PPP1R13B: variants seen among roughly 807,000 people sequenced by gnomAD.
PPP1R13B encodes the protein apoptosis-stimulating of p53 protein 1.
Under a neutral mutation model 119.8 loss-of-function variants are expected in PPP1R13B, and 44 were observed. The ratio of observed to expected loss-of-function variants is 0.37; its 90% CI spans 0.29 to 0.47. The LOEUF (loss-of-function observed/expected upper bound fraction) is 0.47, where lower values mean the gene tolerates loss of function less well. PPP1R13B is among the 20% of genes least tolerant of loss of function. The pLI is 0.99. For missense variants in PPP1R13B, 1,227 were observed against 1,413.5 expected (o/e 0.87, Z 2.12); for synonymous variants, 542 against 561.5 (o/e 0.97, Z 0.49).
chr14:103,847,257 C>G (rs1190828605), intron 1 of PPP1R13B, 42 bp downstream of exon 1: 1 of 1,177,762 alleles, frequency 8.5e-7, no homozygotes, highest in African/African-American at 1.6e-5. Flanking sequence ...GCCAGCGGCC[C>G]GCGGAGGAAG....
intron 1 of PPP1R13B, chr14:103,818,398 A>G: frequency 1.3e-6 from 1 of 769,798 alleles, no homozygotes; most frequent in Non-Finnish European, 1.6e-6. Flanking sequence ...TCATATTTCT[A>G]TGACCATAAT....
intron 4 of PPP1R13B, among the ~76,000 whole-genome samples, chr14:103,777,342 G>A (rs1462981013): frequency 1.3e-5 from 2 of 152,112 alleles, no homozygotes; most frequent in Non-Finnish European, 2.9e-5. Context: ...CCTCACCTAT[G>A]ATAAGCATTC....
intron 1 of PPP1R13B, among the ~76,000 whole-genome samples, chr14:103,825,088 G>A: frequency 6.6e-6 from 1 of 152,016 alleles, no homozygotes; most frequent in Non-Finnish European, 1.5e-5. Context: ...TATTTCCTAT[G>A]GTGATCTGTG....
At chr14:103,847,155 G>A in intron 1 of PPP1R13B, 144 bp downstream of exon 1, 5 of 984,368 alleles carry the variant, frequency 5.1e-6, no homozygotes, top group South Asian at 9.2e-5. Context: ...GGGCGCCGCG[G>A]CCGGGCGCGC....
At chr14:103,841,633 T>C (rs999327269) in intron 1 of PPP1R13B, among the ~76,000 whole-genome samples, 44 of 152,134 alleles carry the variant, frequency 2.9e-4, no homozygotes, top group African/African-American at 8.2e-4. Context: ...AATATTGTCC[T>C]GTCTTTGGTG....
chr14:103,816,412 C>A (rs1293748856), intron 1 of PPP1R13B, among the ~76,000 whole-genome samples: 1 of 150,898 alleles, frequency 6.6e-6, no homozygotes, highest in Non-Finnish European at 1.5e-5. Context: ...TCCGGCCAGG[C>A]ACAGTGGCTC....
intron 11 of PPP1R13B, among the ~76,000 whole-genome samples, chr14:103,741,268 A>G (rs758883551): frequency 6.6e-6 from 1 of 152,236 alleles, no homozygotes; most frequent in Non-Finnish European, 1.5e-5. Flanking sequence ...GTGTGGAACT[A>G]AGCTACCTTC....
intron 1 of PPP1R13B, among the ~76,000 whole-genome samples, chr14:103,840,799 A>AG (rs887253154): frequency 1.6e-4 from 24 of 152,000 alleles, no homozygotes; most frequent in African/African-American, 4.8e-4. Flanking sequence ...TCAAAAAAAA[A>AG]AAGAAAGAAA....
chr14:103,831,976 T>C (rs575823809), intron 1 of PPP1R13B, among the ~76,000 whole-genome samples: 2 of 151,688 alleles, frequency 1.3e-5, no homozygotes, highest in African/African-American at 4.8e-5. Context: ...GATGGTGGTG[T>C]GCACCTGTAG....
intron 4 of PPP1R13B, chr14:103,763,719 T>C (rs1297380221): frequency 2.0e-5 from 3 of 152,242 alleles, no homozygotes; most frequent in Non-Finnish European, 2.9e-5. Context: ...AGCAAATACA[T>C]AGAGTTGTGC....
At chr14:103,784,174 T>TCAAAA (rs1182726728) in intron 3 of PPP1R13B, among the ~76,000 whole-genome samples, 1 of 151,736 alleles carries the variant, frequency 6.6e-6, no homozygotes, top group Non-Finnish European at 1.5e-5. Context: ...AGACTCCATC[T>TCAAAA]CAAAACAAAA....
intron 1 of PPP1R13B, among the ~76,000 whole-genome samples, chr14:103,807,253 G>T (rs796376192): frequency 1.3e-5 from 2 of 152,072 alleles, no homozygotes; most frequent in East Asian, 3.9e-4. Flanking sequence ...TTCCTTAACC[G>T]AGAGTCTACC....
chr14:103,740,393 G>A lies in PPP1R13B; in HGVS notation c.2023C>T (p.Leu675Phe). The A allele has an allele frequency of 6.3e-7, 1 of 1,576,868 alleles. No individual in the cohort carries two copies. Among genetic ancestry groups the A allele is most frequent in the African/African-American group, 1.3e-5 (1 of 74,230 alleles). ...AGTGGCGAATGCACGATGGGCGTGA[G>A]CTTGGTGGGGCTGAGTGGCCGTGGC... is the stretch of plus-strand genomic sequence containing the variant. The part of the protein sequence containing the change: ...SLPRPLSPTK[L>F]TPIVHSPLRY... Residue 675 changes from leucine (L) to phenylalanine (F), a missense_variant, in exon 12 of 17, where the codon CTC becomes TTC. Physicochemically the swap from Leu to Phe is conservative, Grantham distance 22 (BLOSUM62 0). Transcript: ENST00000202556. This position sits in a 1 kb window ranked among gnomAD's most constrained non-coding sequence, Gnocchi z 4.6.
intron 4 of PPP1R13B, chr14:103,764,479 C>T (rs769578874): frequency 3.5e-5 from 12 of 345,198 alleles, no homozygotes; most frequent in Non-Finnish European, 5.2e-5. Flanking sequence ...AGATATGAGT[C>T]CTTTATCAGA....
chr14:103,832,657 A>G (rs1169461756), intron 1 of PPP1R13B, among the ~76,000 whole-genome samples: 1 of 152,198 alleles, frequency 6.6e-6, no homozygotes, highest in African/African-American at 2.4e-5. Context: ...AGCACTTTAC[A>G]TCTCAGCTTA....
At chr14:103,777,075 C>G (rs2152013468) in intron 4 of PPP1R13B, among the ~76,000 whole-genome samples, 1 of 151,960 alleles carries the variant, frequency 6.6e-6, no homozygotes, top group South Asian at 2.1e-4. Flanking sequence ...TCATTGCAAC[C>G]TCTGCCTCCT....
rs565138913 is a variant in PPP1R13B, at chr14:103,804,065, T to C, written c.10-6547A>G. The C allele has an allele frequency of 2.3e-5, 23 of 984,834 alleles. No homozygotes were observed. The African/African-American group carries it at 3.8e-4, about 16-fold the overall frequency. 61.0% of individuals were successfully genotyped at this position (984,834 alleles called of 1,614,324 possible). Reference sequence around the variant, plus strand: ...GACTCATTACCTGGTCTTGAAATCATCTAAGTGTGTCTTAACTTGCTCCAT... The same window carrying C: ...GACTCATTACCTGGTCTTGAAATCACCTAAGTGTGTCTTAACTTGCTCCAT... On this transcript the variant is annotated intron_variant, in intron 1 of 16. Transcript: ENST00000202556.
chr14:103,803,567 C>A (rs2085950036), intron 1 of PPP1R13B, among the ~76,000 whole-genome samples: 1 of 152,044 alleles, frequency 6.6e-6, no homozygotes, highest in Middle Eastern at 3.2e-3. Flanking sequence ...GCTGTGAACC[C>A]GGGAGGTGGA....
At chr14:103,741,109 AG>A (rs1485355570) in intron 11 of PPP1R13B, among the ~76,000 whole-genome samples, 1 of 152,242 alleles carries the variant, frequency 6.6e-6, no homozygotes, top group South Asian at 2.1e-4. Flanking sequence ...GTCCCTGTGC[AG>A]GAAGTGACTA....
Sources: gnomAD v4.1 joint callset for allele counts (sites outside exome capture counted in the v4.1 genomes callset) on GRCh38, gnomAD v4.1.1 for gene constraint, Gnocchi (gnomAD v3.1) non-coding constraint, MANE v1.5 for transcripts, NCBI Gene and HGNC (gene_info 2026-07-23, HGNC 2026-07-21) for gene names.